Variants in ANKRD27 observed in about 807,000 individuals in gnomAD.
ANKRD27 encodes ankyrin repeat domain-containing protein 27.
In ANKRD27, 112 loss-of-function variants were observed where a neutral mutation model predicts 129.7. The observed-to-expected ratio is 0.86, with a 90% CI of 0.74 to 1.01. The LOEUF (loss-of-function observed/expected upper bound fraction) is 1.01. Among genes scored for constraint, ANKRD27 ranks in the 50% least tolerant of loss-of-function variants. The pLI is 0.00. For synonymous variants in ANKRD27, 516 were observed against 511.2 expected, an observed-to-expected ratio of 1.01 and a Z score of -0.13; for missense variants, 1,258 against 1,300.5, an observed-to-expected ratio of 0.97 and a Z score of 0.50.
intron 22 of ANKRD27, among the ~76,000 whole-genome samples, chr19:32,611,357 G>A (rs1009788922): frequency 3.9e-5 from 6 of 152,086 alleles, no homozygotes; most frequent in African/African-American, 7.2e-5. Context: ...CACCCACCTC[G>A]GGGAAATTGT....
intron 2 of ANKRD27, among the ~76,000 whole-genome samples, chr19:32,653,372 T>C (rs768125098): frequency 2.0e-5 from 3 of 152,210 alleles, no homozygotes; most frequent in Non-Finnish European, 2.9e-5. Context: ...TCAATCTCCT[T>C]TGAAATTTTT....
intron 1 of ANKRD27, among the ~76,000 whole-genome samples, chr19:32,661,294 T>C (rs1388961273): frequency 2.0e-5 from 3 of 151,912 alleles, no homozygotes; most frequent in South Asian, 2.1e-4. Context: ...CTTTTTCATT[T>C]TGTCAAATGG....
intron 4 of ANKRD27, among the ~76,000 whole-genome samples, chr19:32,646,018 A>G (rs259221): frequency 0.98 from 149,454 of 152,116 alleles, 73,429 homozygotes; most frequent in East Asian, 1. Flanking sequence ...TGCAACCTCC[A>G]CTTTCTGGGT....
rs774918974 is a variant in ANKRD27, at chr19:32,626,785, A to G, written c.1463T>C (p.Met488Thr). The G allele has an allele frequency of 6.2e-7, 1 of 1,612,400 alleles. No homozygotes were observed. The highest frequency in any genetic ancestry group is 1.1e-5 in the South Asian group (1 of 90,646). The change falls in exon 16 of 29, where the codon ATG becomes ACG. Residue 488 changes from methionine (M) to threonine (T), a missense_variant. Coordinates refer to ENST00000306065, the MANE Select transcript of ANKRD27 (RefSeq NM_032139.3). Reference protein sequence around the residue: ...LIDLLVSKGAMVNATDYHGAT... With the variant: ...LIDLLVSKGATVNATDYHGAT... The stretch of plus-strand genomic sequence containing the variant: ...TCCATGGTAGTCTGTGGCATTTACC[A>G]TGGCGCCCTTGGAAACCAGGAGGTC...
intron 25 of ANKRD27, among the ~76,000 whole-genome samples, chr19:32,603,133 C>CA (rs1195228215): frequency 6.6e-6 from 1 of 151,974 alleles, no homozygotes; most frequent in East Asian, 1.9e-4. Context: ...CCCGTCTCTA[C>CA]AAAAAATACA....
intron 5 of ANKRD27, 121 bp from the exon 6 acceptor site, chr19:32,643,752 G>T: frequency 9.8e-7 from 1 of 1,019,560 alleles, no homozygotes; most frequent in Non-Finnish European, 1.5e-6. Flanking sequence ...AGTCAATTAC[G>T]TGATTTTTCT....
chr19:32,661,491 C>G lies in ANKRD27; in HGVS notation c.-30-2446G>C, dbSNP rs547529467. On this transcript the variant is annotated intron_variant, in intron 1 of 28. Transcript: ENST00000306065. ...AGCTGGGACTGCAGGCATGCACCAC[C>G]ACGCCCAACCTTTTTTTTATTTTTT... Among the ~76,000 whole-genome samples the G allele has an allele frequency of 1.8e-4, 27 of 152,042 alleles. No individual in the cohort carries two copies. In the East Asian group the frequency reaches 2.1e-3, roughly 12 times the overall value.
intron 13 of ANKRD27, among the ~76,000 whole-genome samples, chr19:32,630,251 G>A (rs1422874083): frequency 6.6e-6 from 1 of 152,194 alleles, no homozygotes; most frequent in Non-Finnish European, 1.5e-5. Flanking sequence ...CATTCCCCAG[G>A]ACCCACTCTG....
intron 17 of ANKRD27, among the ~76,000 whole-genome samples, chr19:32,624,250 C>T (rs1251356184): frequency 6.6e-6 from 1 of 151,938 alleles, no homozygotes; most frequent in Non-Finnish European, 1.5e-5. Context: ...GTCTGCAGTC[C>T]CAGCTACTCA....
chr19:32,606,938 A>C (rs1484101898), intron 23 of ANKRD27, among the ~76,000 whole-genome samples: 1 of 53,494 alleles, frequency 1.9e-5, no homozygotes, highest in Non-Finnish European at 3.4e-5. Flanking sequence ...CCCCATCTCC[A>C]CAAAAAAAAA....
chr19:32,654,563 A>C (rs956229866), intron 2 of ANKRD27, among the ~76,000 whole-genome samples: 1 of 152,146 alleles, frequency 6.6e-6, no homozygotes, highest in Non-Finnish European at 1.5e-5. Context: ...CACGGACAAG[A>C]GGGGGCCGGC....
At chr19:32,599,678 T>A (rs1378834580) in intron 28 of ANKRD27, 26 bp downstream of exon 28, 1 of 1,598,382 alleles carries the variant, frequency 6.3e-7, no homozygotes, top group South Asian at 1.1e-5. Context: ...GAAAATATGA[T>A]TAAAAGCCAG....
At chr19:32,644,536 G>C in intron 4 of ANKRD27, 57 bp from the exon 5 acceptor site, 1 of 1,594,026 alleles carries the variant, frequency 6.3e-7, no homozygotes, top group South Asian at 1.1e-5. Flanking sequence ...TCCTGACTCT[G>C]TCCTATCCTA....
chr19:32,648,842 G>C (rs1205162287), intron 3 of ANKRD27, among the ~76,000 whole-genome samples: 1 of 151,652 alleles, frequency 6.6e-6, no homozygotes, highest in Non-Finnish European at 1.5e-5. Context: ...TATGTGTTGA[G>C]AGACAGCGAT....
At chr19:32,659,102 G>T in intron 1 of ANKRD27, 57 bp from the exon 2 acceptor site, 1 of 789,334 alleles carries the variant, frequency 1.3e-6, no homozygotes. Flanking sequence ...CGTAACACAT[G>T]AAAGTCTGCA....
At chr19:32,668,209 G>C (rs144260828) in intron 1 of ANKRD27, among the ~76,000 whole-genome samples, 63 of 152,292 alleles carry the variant, frequency 4.1e-4, no homozygotes, top group Middle Eastern at 6.8e-3. Context: ...CTGGAGTACA[G>C]TGACACAATC....
chr19:32,644,438 T>C lies in ANKRD27; in HGVS notation c.412A>G (p.Ile138Val), dbSNP rs1456837476. 6 of 1,614,048 alleles carry C rather than the reference T, an allele frequency of 3.7e-6. No individual in the cohort carries two copies. The highest frequency in any genetic ancestry group is 4.2e-6 in the Non-Finnish European group (5 of 1,179,968). The part of the protein sequence containing the change: ...APSDPFSLKT[I>V]EDVREFLGRH... ...CCCAAGAACTCTCTCACATCTTCAA[T>C]GGTTTTCAGGGAAAAGGGATCTGAG... Residue 138 changes from isoleucine (I) to valine (V), a missense_variant, in exon 5 of 29, where the codon ATT becomes GTT. Coordinates refer to ENST00000306065, the MANE Select transcript of ANKRD27 (RefSeq NM_032139.3).
At chr19:32,672,964 AG>A (rs1967901688) in intron 1 of ANKRD27, 1 of 152,218 alleles carries the variant, frequency 6.6e-6, no homozygotes, top group Non-Finnish European at 1.5e-5. Context: ...GAGAGGATGG[AG>A]TCATTGGACA....
Position 32,615,778 on chromosome 19 carries a change from C to T in ANKRD27, c.2055G>A (p.Val685=), listed in dbSNP as rs1971907902. ...RAVADGDLEM[V]RYLLEWTEED... is the part of the protein sequence containing the mutation. ...CCTCTGTCCATTCCAACAGGTAACGCACCTGGTGATGGAGAGTAACGGAAA... is the reference window on the plus strand; with the variant it reads ...CCTCTGTCCATTCCAACAGGTAACGTACCTGGTGATGGAGAGTAACGGAAA... The change falls in exon 22 of 29, where the codon GTG becomes GTA. Residue 685 remains valine (V), a splice_region_variant and synonymous_variant. Transcript: ENST00000306065. The T allele has an allele frequency of 1.9e-6, 3 of 1,612,420 alleles. No individual in the cohort carries two copies. The highest frequency in any genetic ancestry group is 2.5e-6 in the Non-Finnish European group (3 of 1,178,956).
Sources: gnomAD v4.1 joint callset for allele counts (sites outside exome capture counted in the v4.1 genomes callset) on GRCh38, gnomAD v4.1.1 for gene constraint, MANE v1.5 for transcripts, NCBI Gene and HGNC (gene_info 2026-07-23, HGNC 2026-07-21) for gene names.